SLC17A1: variants seen among roughly 807,000 people sequenced by gnomAD.
The protein encoded by SLC17A1 is solute carrier family 17 member 1.
In SLC17A1, 51 loss-of-function variants were observed where a neutral mutation model predicts 53.5. That is an observed-to-expected ratio of 0.95 (90% CI 0.76 to 1.20). SLC17A1 has a LOEUF of 1.20. SLC17A1 is among the 50% of genes most tolerant of loss of function. SLC17A1 has a pLI of 0.00. For missense variants in SLC17A1, 538 were observed against 568.2 expected, an observed-to-expected ratio of 0.95 and a Z score of 0.54; for synonymous variants, 179 against 198.8, an observed-to-expected ratio of 0.90 and a Z score of 0.84.
At chr6:25,752,065 C>T in the SLC17A1 span, among the ~76,000 whole-genome samples, 1 of 152,212 alleles carries the variant, frequency 6.6e-6, no homozygotes, top group African/African-American at 2.4e-5. Context: ...TCTACTGCTT[C>T]TTCTCCCCAC....
intron 12 of SLC17A1, among the ~76,000 whole-genome samples, chr6:25,788,945 G>A (rs1763442728): frequency 6.6e-6 from 1 of 152,112 alleles, no homozygotes; most frequent in Admixed American, 6.5e-5. Flanking sequence ...AAGTACTGGT[G>A]TAAATTCATG....
chr6:25,724,893 T>TG, the SLC17A1 span, among the ~76,000 whole-genome samples: 2 of 152,070 alleles, frequency 1.3e-5, no homozygotes, highest in African/African-American at 4.8e-5. Context: ...GGTTAATTCA[T>TG]ACTTTTGTAA....
At chr6:25,747,891 C>A in the SLC17A1 span, among the ~76,000 whole-genome samples, 1 of 151,934 alleles carries the variant, frequency 6.6e-6, no homozygotes, top group East Asian at 1.9e-4. Flanking sequence ...TATAGCAGCC[C>A]AAATTGACTA....
chr6:25,732,165 T>C, the SLC17A1 span: 1 of 431,868 alleles, frequency 2.3e-6, no homozygotes, highest in South Asian at 2.5e-5. Flanking sequence ...TCCAGCATGT[T>C]TATCTTCCAA....
At chr6:25,770,456 A>C in the SLC17A1 span, 1 of 1,614,036 alleles carries the variant, frequency 6.2e-7, no homozygotes, top group Non-Finnish European at 8.5e-7. Context: ...TCAACTCACC[A>C]CCATTGCTGG....
chr6:25,727,593 T>C, the SLC17A1 span, among the ~76,000 whole-genome samples: 1 of 151,778 alleles, frequency 6.6e-6, no homozygotes, highest in African/African-American at 2.4e-5. Flanking sequence ...GGTTTCACCA[T>C]GTTGGCCAGG....
In SLC17A1 at chr6:25,826,781, A is replaced by G. The variant is rs550937367; in HGVS notation, c.35-148T>C. On this transcript the variant is annotated intron_variant, in intron 2 of 12. Transcript: ENST00000244527. Reference sequence around the variant, plus strand: ...AATGACCTTTGATAATTATTATATAATAAGAAGATGTGAGACTGATATAAT... The same window carrying G: ...AATGACCTTTGATAATTATTATATAGTAAGAAGATGTGAGACTGATATAAT... 2.3e-5 allele frequency: 10 copies of G among 436,884 alleles called. No individual in the cohort carries two copies. The South Asian group carries it at 5.9e-4, about 26-fold the overall frequency. The allele number at this position is 436,884 out of a possible 1,614,324, so 27.1% of individuals were successfully genotyped here.
the SLC17A1 span, among the ~76,000 whole-genome samples, chr6:25,728,610 C>T: frequency 6.6e-6 from 1 of 152,080 alleles, no homozygotes; most frequent in East Asian, 1.9e-4. Context: ...GTCAGGAGAT[C>T]GAGACCATCC....
chr6:25,802,224 T>C (rs192696192), intron 10 of SLC17A1, among the ~76,000 whole-genome samples: 1 of 152,336 alleles, frequency 6.6e-6, no homozygotes, highest in Admixed American at 6.5e-5. Context: ...TTGTTTTTTA[T>C]CTTCCAATTT....
chr6:25,726,789 G>T, the SLC17A1 span: 1 of 1,287,748 alleles, frequency 7.8e-7, no homozygotes, highest in Non-Finnish European at 1.1e-6. Context: ...TTGTTTACTT[G>T]GCGAGACTTG....
the SLC17A1 span, among the ~76,000 whole-genome samples, chr6:25,738,005 AT>A: frequency 1.3e-5 from 2 of 152,228 alleles, no homozygotes; most frequent in South Asian, 4.1e-4. Context: ...AGAAAAAGAA[AT>A]TAAGGGCATA....
chr6:25,816,658 G>A (rs1263408395), intron 6 of SLC17A1, among the ~76,000 whole-genome samples: 1 of 152,242 alleles, frequency 6.6e-6, no homozygotes, highest in Non-Finnish European at 1.5e-5. Flanking sequence ...AGTCAGATGT[G>A]AGTTAAGGAG....
chr6:25,765,964 T>C, the SLC17A1 span, among the ~76,000 whole-genome samples: 1 of 151,906 alleles, frequency 6.6e-6, no homozygotes, highest in Non-Finnish European at 1.5e-5. Flanking sequence ...AGAGATTAAA[T>C]ACAAGCAATT....
At position 25,812,821 on chromosome 6, in the gene SLC17A1, G is replaced by A. The variant is rs1046062688; in HGVS notation, c.897+10C>T. The A allele has an allele frequency of 6.3e-7, 1 of 1,584,908 alleles. No homozygotes were observed. The highest frequency in any genetic ancestry group is 1.4e-5 in the African/African-American group (1 of 73,610). ...GTGAAGTTAAAAAAAAGAACAAATA[G>A]TATACTTACCTCTTTTATATTAACA... On this transcript the variant is annotated intron_variant, in intron 8 of 12. Transcript: ENST00000244527.
chr6:25,802,618 GT>G (rs1458329351), intron 10 of SLC17A1, among the ~76,000 whole-genome samples: 1 of 152,100 alleles, frequency 6.6e-6, no homozygotes, highest in Non-Finnish European at 1.5e-5. Context: ...TTCAAGGAAA[GT>G]TTTTGCTGGA....
chr6:25,726,087 T>C, the SLC17A1 span: 3 of 1,478,014 alleles, frequency 2.0e-6, no homozygotes, highest in South Asian at 1.4e-5. Flanking sequence ...AAGAGCCTTT[T>C]GTTTTTTCTG....
intron 12 of SLC17A1, among the ~76,000 whole-genome samples, chr6:25,783,634 A>G (rs543761182): frequency 2.6e-5 from 4 of 152,324 alleles, no homozygotes; most frequent in African/African-American, 4.8e-5. Flanking sequence ...TTGACACTCA[A>G]GTTTGATACT....
At chr6:25,727,444 T>G in the SLC17A1 span, 1 of 655,414 alleles carries the variant, frequency 1.5e-6, no homozygotes, top group Non-Finnish European at 2.4e-6. Flanking sequence ...CAGGCTGGAG[T>G]GCAGTGGCGG....
chr6:25,761,904 C>A, the SLC17A1 span: 12 of 1,393,474 alleles, frequency 8.6e-6, no homozygotes, highest in South Asian at 1.1e-4. Context: ...CCTGTATTTT[C>A]TTTTGTATTC....
Sources: allele counts gnomAD v4.1 joint callset (sites outside exome capture counted in the v4.1 genomes callset), GRCh38; gene constraint gnomAD v4.1.1; transcripts MANE v1.5; gene names NCBI Gene and HGNC (gene_info 2026-07-23, HGNC 2026-07-21).